The following L3MBTL4 variants were observed in gnomAD, a reference collection of about 807,000 sequenced individuals.
L3MBTL4 encodes L3MBTL histone methyl-lysine binding protein 4.
L3MBTL4 carries 70 observed loss-of-function variants against 84.5 expected under a neutral mutation model. The observed-to-expected ratio is 0.83, with a 90% CI of 0.68 to 1.01. The LOEUF (loss-of-function observed/expected upper bound fraction) is 1.01. Ranked by LOEUF, L3MBTL4 falls within the 50% of genes least tolerant of loss-of-function variation. L3MBTL4 has a pLI of 0.00. For synonymous variants in L3MBTL4, 274 were observed against 259.8 expected, an observed-to-expected ratio of 1.05 and a Z score of -0.52; for missense variants, 715 against 754.8, an observed-to-expected ratio of 0.95 and a Z score of 0.62.
intron 16 of L3MBTL4, among the ~76,000 whole-genome samples, chr18:6,015,785 C>T (rs2054940336): frequency 6.6e-6 from 1 of 151,988 alleles, no homozygotes; most frequent in South Asian, 2.1e-4. Context: ...AGTGAAACCC[C>T]GTCTCTATTA....
intron 16 of L3MBTL4, among the ~76,000 whole-genome samples, chr18:6,049,980 A>G (rs2056782233): frequency 6.6e-6 from 1 of 152,202 alleles, no homozygotes; most frequent in Non-Finnish European, 1.5e-5. Flanking sequence ...GTTAATACAA[A>G]TTTTTAACTG....
At chr18:6,123,807 A>T (rs539634029) in intron 14 of L3MBTL4, among the ~76,000 whole-genome samples, 2 of 152,324 alleles carry the variant, frequency 1.3e-5, no homozygotes, top group South Asian at 2.1e-4. Context: ...GCATTACAAC[A>T]GTTATTCTTA....
At position 6,071,736 on chromosome 18, in the gene L3MBTL4, AG is replaced by A. The variant is rs2057625908; in HGVS notation, c.1444+9144del. On this transcript the variant is annotated intron_variant, in intron 16 of 18. Coordinates refer to ENST00000317931, the MANE Select transcript of L3MBTL4 (RefSeq NM_001330559.2). ...AAGAAGGAAAGAAAGAAGGAAAGAA[AG>A]AAGGAAGGAAAGAAAGAAAGAAAAA... 6.3e-3 allele frequency among the ~76,000 whole-genome samples: 568 copies of A among 89,560 alleles called. 4 individuals are homozygous for A. Among genetic ancestry groups the A allele is most frequent in the Admixed American group, 0.012 (91 of 7,530 alleles). The allele number at this position is 89,560 out of a possible 152,430, so 58.8% of individuals were successfully genotyped here.
intron 1 of L3MBTL4, among the ~76,000 whole-genome samples, chr18:6,345,550 G>A (rs341192): frequency 0.28 from 41,753 of 151,736 alleles, 7,520 homozygotes; most frequent in African/African-American, 0.52. Context: ...CTATCCAATA[G>A]AATTTAAAAA....
intron 12 of L3MBTL4, among the ~76,000 whole-genome samples, chr18:6,198,167 A>G (rs1158429020): frequency 1.3e-5 from 2 of 152,214 alleles, no homozygotes; most frequent in African/African-American, 2.4e-5. Context: ...TCACAATGAA[A>G]AGGTGAAAAA....
intron 1 of L3MBTL4, among the ~76,000 whole-genome samples, chr18:6,351,483 G>C (rs1003227609): frequency 6.6e-6 from 1 of 152,148 alleles, no homozygotes; most frequent in Non-Finnish European, 1.5e-5. Context: ...TAATGCCACT[G>C]AGTGATCACT....
At chr18:6,396,643 T>C (rs964685123) in intron 1 of L3MBTL4, 1 of 152,242 alleles carries the variant, frequency 6.6e-6, no homozygotes, top group Non-Finnish European at 1.5e-5. Flanking sequence ...AAGAAAAGAA[T>C]GTACCTCTCA....
At chr18:6,193,799 C>T (rs1442893636) in intron 12 of L3MBTL4, among the ~76,000 whole-genome samples, 2 of 152,142 alleles carry the variant, frequency 1.3e-5, no homozygotes, top group African/African-American at 4.8e-5. Flanking sequence ...AGTCATAGTC[C>T]AGGCATATGG....
chr18:6,014,063 A>G (rs1342674806), intron 16 of L3MBTL4, among the ~76,000 whole-genome samples: 1 of 152,192 alleles, frequency 6.6e-6, no homozygotes, highest in Non-Finnish European at 1.5e-5. Context: ...ACCTTTGGCC[A>G]GAGACTTCAT....
At chr18:6,119,509 G>A (rs532475997) in intron 14 of L3MBTL4, among the ~76,000 whole-genome samples, 31 of 152,312 alleles carry the variant, frequency 2.0e-4, no homozygotes, top group Admixed American at 1.7e-3. Context: ...GTAGGGGTGA[G>A]AGAAAGAGGC....
chr18:6,211,397 C>T (rs1054657784), intron 12 of L3MBTL4, among the ~76,000 whole-genome samples: 19 of 152,124 alleles, frequency 1.2e-4, no homozygotes, highest in Admixed American at 2.6e-4. Context: ...AAAATACTGA[C>T]TTTAAAAAGA....
intron 16 of L3MBTL4, among the ~76,000 whole-genome samples, chr18:6,058,039 C>A (rs2057086127): frequency 6.6e-6 from 1 of 152,164 alleles, no homozygotes; most frequent in South Asian, 2.1e-4. Flanking sequence ...CTGGAACCAG[C>A]AACAACTCTC....
chr18:6,306,095 G>A (rs2050574252), intron 3 of L3MBTL4, among the ~76,000 whole-genome samples: 1 of 152,182 alleles, frequency 6.6e-6, no homozygotes, highest in South Asian at 2.1e-4. Context: ...ATGGACTGTA[G>A]AAAACAGTGA....
intron 16 of L3MBTL4, among the ~76,000 whole-genome samples, chr18:6,015,724 C>T (rs1262992186): frequency 2.0e-5 from 3 of 152,002 alleles, no homozygotes; most frequent in African/African-American, 4.8e-5. Flanking sequence ...TTTGGGAGGC[C>T]GAGGTAGGAG....
At chr18:6,269,040 A>G (rs2048754969) in intron 4 of L3MBTL4, among the ~76,000 whole-genome samples, 2 of 152,238 alleles carry the variant, frequency 1.3e-5, no homozygotes, top group African/African-American at 2.4e-5. Context: ...ACTCTAGCAC[A>G]CACAGTCAAA....
intron 7 of L3MBTL4, among the ~76,000 whole-genome samples, chr18:6,242,560 C>T (rs907870834): frequency 1.3e-5 from 2 of 152,178 alleles, no homozygotes; most frequent in African/African-American, 4.8e-5. Context: ...AAGGACTCTG[C>T]CATCAGCCTC....
intron 16 of L3MBTL4, chr18:6,032,284 A>G: frequency 1.0e-4 from 3 of 29,140 alleles, no homozygotes; most frequent in Non-Finnish European, 2.2e-4. Flanking sequence ...GCCTTAAATT[A>G]AAAAAAAAAA....
At chr18:5,974,531 A>G (rs1360127637) in intron 16 of L3MBTL4, among the ~76,000 whole-genome samples, 2 of 152,142 alleles carry the variant, frequency 1.3e-5, no homozygotes, top group East Asian at 3.9e-4. Flanking sequence ...GGGAAGGCCA[A>G]TTTTTCCAGA....
chr18:6,385,748 C>T (rs1446539344), intron 1 of L3MBTL4, among the ~76,000 whole-genome samples: 4 of 152,160 alleles, frequency 2.6e-5, no homozygotes, highest in African/African-American at 7.2e-5. Flanking sequence ...TTTCAGAATG[C>T]CCTTTCCCTA....
Sources: allele counts gnomAD v4.1 joint callset (sites outside exome capture counted in the v4.1 genomes callset), GRCh38; gene constraint gnomAD v4.1.1; transcripts MANE v1.5; gene names NCBI Gene and HGNC (gene_info 2026-07-23, HGNC 2026-07-21).